The following SLCO5A1 variants were observed in gnomAD, a reference collection of about 807,000 sequenced individuals.
The protein encoded by SLCO5A1 is organic anion transporter polypeptide-related protein 4.
In SLCO5A1, 39 loss-of-function variants were observed where a neutral mutation model predicts 65.1. The observed-to-expected ratio is 0.60, with a 90% CI of 0.46 to 0.78. The LOEUF (loss-of-function observed/expected upper bound fraction) is 0.78. Ranked by LOEUF, SLCO5A1 falls within the 30% of genes least tolerant of loss-of-function variation. SLCO5A1 has a pLI of 0.00. For missense variants in SLCO5A1, 1,029 were observed against 1,069.4 expected (o/e 0.96, Z 0.53); for synonymous variants, 438 against 415.7 (o/e 1.05, Z -0.65).
At chr8:69,766,067 T>C (rs1818048016) in intron 2 of SLCO5A1, among the ~76,000 whole-genome samples, 1 of 152,234 alleles carries the variant, frequency 6.6e-6, no homozygotes, top group Non-Finnish European at 1.5e-5. Context: ...TGACTTCGAA[T>C]GCATCAGTAA....
chr8:69,772,027 G>T (rs987368522), intron 2 of SLCO5A1, among the ~76,000 whole-genome samples: 4 of 152,122 alleles, frequency 2.6e-5, no homozygotes, highest in Non-Finnish European at 5.9e-5. Context: ...TTCTCTGGGA[G>T]CTACTTCACC....
chr8:69,713,617 G>A (rs1374846945), intron 5 of SLCO5A1: 2 of 152,112 alleles, frequency 1.3e-5, no homozygotes, highest in Non-Finnish European at 2.9e-5. Flanking sequence ...TTTATGCTCT[G>A]AACCCAAAGT....
Position 69,768,689 on chromosome 8 carries a change from G to C in SLCO5A1, c.908-6814C>G, listed in dbSNP as rs1361877223. Among the ~76,000 whole-genome samples the C allele has an allele frequency of 2.6e-5, 4 of 152,134 alleles. No homozygotes were observed. The East Asian group carries it at 7.7e-4, about 29-fold the overall frequency. ...CCGGTGTCTCTTCCTCTTCTTATAA[G>C]GACCTCATAGATTAGGGACCAGGCA... On this transcript the variant is annotated intron_variant, in intron 2 of 9. Transcript: ENST00000260126.
intron 5 of SLCO5A1, among the ~76,000 whole-genome samples, chr8:69,735,838 G>GA (rs1168619599): frequency 2.6e-5 from 4 of 152,000 alleles, no homozygotes; most frequent in Non-Finnish European, 4.4e-5. Context: ...TTTTAAAAAA[G>GA]AAAAGAAAAA....
Position 69,667,510 on chromosome 8 carries a change from G to A in SLCO5A1, c.*5359C>T, listed in dbSNP as rs1039855793. 7 of 152,136 alleles carry A rather than the reference G, an allele frequency of 4.6e-5. 1 individual carries two copies. Among genetic ancestry groups the A allele is most frequent in the Non-Finnish European group, 8.8e-5 (6 of 67,988 alleles). 9.4% of individuals were successfully genotyped at this position (152,136 alleles called of 1,614,324 possible). On this transcript the variant is annotated 3_prime_UTR_variant, in exon 10 of 10. Coordinates refer to ENST00000260126, the MANE Select transcript of SLCO5A1 (RefSeq NM_030958.3). ...TATCAATTACCAATTGCCAATAATC[G>A]GTACTAGTCTTACCAATGATTCTTA...
intron 5 of SLCO5A1, among the ~76,000 whole-genome samples, chr8:69,722,166 C>T (rs573648789): frequency 3.3e-5 from 5 of 151,884 alleles, no homozygotes; most frequent in African/African-American, 4.8e-5. Context: ...GCAAAGACTC[C>T]GTCTCAAAAA....
intron 5 of SLCO5A1, among the ~76,000 whole-genome samples, chr8:69,708,251 T>C (rs1760990143): frequency 6.6e-6 from 1 of 152,218 alleles, no homozygotes; most frequent in African/African-American, 2.4e-5. Context: ...TTTGTAGCCA[T>C]GTAATCATGC....
chr8:69,744,442 A>T lies in SLCO5A1; in HGVS notation c.1259-6238T>A, dbSNP rs563528626. On this transcript the variant is annotated intron_variant, in intron 4 of 9. Coordinates refer to ENST00000260126, the MANE Select transcript of SLCO5A1 (RefSeq NM_030958.3). ...TCAAACTCATCCATCAACTTTCAGG[A>T]TTGGCATCTGCCCCTGTAGGAAGCA... is the stretch of plus-strand genomic sequence containing the variant. 5.3e-5 allele frequency among the ~76,000 whole-genome samples: 8 copies of T among 152,272 alleles called. No individual in the cohort carries two copies. In the South Asian group the frequency reaches 1.7e-3, roughly 32 times the overall value.
At chr8:69,780,273 AC>A (rs1818736489) in intron 2 of SLCO5A1, among the ~76,000 whole-genome samples, 1 of 152,158 alleles carries the variant, frequency 6.6e-6, no homozygotes, top group Non-Finnish European at 1.5e-5. Flanking sequence ...AATAAAACTA[AC>A]ATTTGACCTA....
chr8:69,804,833 G>C (rs1776233861), intron 2 of SLCO5A1, among the ~76,000 whole-genome samples: 1 of 152,126 alleles, frequency 6.6e-6, no homozygotes, highest in African/African-American at 2.4e-5. Flanking sequence ...AGGGAGAGTT[G>C]AACACACATG....
chr8:69,669,919 C>G lies in SLCO5A1; in HGVS notation c.*2950G>C, dbSNP rs904818141. 1 of 152,118 alleles carries G rather than the reference C, an allele frequency of 6.6e-6. No individual in the cohort carries two copies. Among genetic ancestry groups the G allele is most frequent in the Non-Finnish European group, 1.5e-5 (1 of 68,012 alleles). The allele number at this position is 152,118 out of a possible 1,614,324, so 9.4% of individuals were successfully genotyped here. A position where few individuals can be genotyped will look rare whatever the true frequency, so the allele number is the denominator to read the frequency against. ...CAAAATGCTCTACAAATCGTCAACACTCAACAAATGCTAATTTTTTTCCTC... is the reference window on the plus strand; with the variant it reads ...CAAAATGCTCTACAAATCGTCAACAGTCAACAAATGCTAATTTTTTTCCTC... On this transcript the variant is annotated 3_prime_UTR_variant, in exon 10 of 10. Coordinates refer to ENST00000260126, the MANE Select transcript of SLCO5A1 (RefSeq NM_030958.3).
In SLCO5A1 at chr8:69,833,121, G is replaced by C; in HGVS notation, c.-448C>G. 1 of 163,092 alleles carries C rather than the reference G, an allele frequency of 6.1e-6. No homozygotes were observed. Among genetic ancestry groups the C allele is most frequent in the Non-Finnish European group, 1.3e-5 (1 of 75,416 alleles). 10.1% of individuals were successfully genotyped at this position (163,092 alleles called of 1,614,324 possible). ...CCACCTCGCTGCGCCAGGGGTACCG[G>C]GTGTTCGCCGCCTGGGCTCGCGGCA... On this transcript the variant is annotated 5_prime_UTR_variant, in exon 2 of 10. Coordinates refer to ENST00000260126, the MANE Select transcript of SLCO5A1 (RefSeq NM_030958.3).
chr8:69,681,229 A>G (rs924336722), intron 7 of SLCO5A1, among the ~76,000 whole-genome samples: 3 of 152,254 alleles, frequency 2.0e-5, no homozygotes, highest in Non-Finnish European at 4.4e-5. Context: ...AAGCACATGC[A>G]TTTTAACCTT....
At chr8:69,812,254 T>C (rs1307141343) in intron 2 of SLCO5A1, among the ~76,000 whole-genome samples, 3 of 152,082 alleles carry the variant, frequency 2.0e-5, no homozygotes, top group Non-Finnish European at 2.9e-5. Context: ...GCAACTCCCC[T>C]CTCCCACTCT....
At chr8:69,708,798 G>A (rs769276422) in intron 5 of SLCO5A1, among the ~76,000 whole-genome samples, 10 of 152,076 alleles carry the variant, frequency 6.6e-5, no homozygotes, top group Non-Finnish European at 1.0e-4. Context: ...CAGTTACTCC[G>A]GAGACTGAGG....
intron 2 of SLCO5A1, among the ~76,000 whole-genome samples, chr8:69,800,115 A>G (rs1354869966): frequency 2.0e-5 from 3 of 151,978 alleles, no homozygotes; most frequent in Non-Finnish European, 2.9e-5. Context: ...CAGATTTTAC[A>G]TTATTCTGCT....
intron 2 of SLCO5A1, among the ~76,000 whole-genome samples, chr8:69,814,979 C>G (rs2130914378): frequency 6.6e-6 from 1 of 152,152 alleles, no homozygotes; most frequent in East Asian, 1.9e-4. Flanking sequence ...CTCATAGAAG[C>G]AGAGAGTAGA....
At chr8:69,751,767 G>A (rs533181009) in intron 4 of SLCO5A1, among the ~76,000 whole-genome samples, 12 of 152,098 alleles carry the variant, frequency 7.9e-5, no homozygotes, top group Non-Finnish European at 2.9e-5. Flanking sequence ...GGTTGGTCTC[G>A]AACTCCTGAC....
intron 6 of SLCO5A1, among the ~76,000 whole-genome samples, chr8:69,697,517 C>T (rs369437627): frequency 2.0e-5 from 3 of 151,908 alleles, no homozygotes; most frequent in East Asian, 3.9e-4. Context: ...ATGTTAAGTG[C>T]CATGAGGAAA....
Sources: gnomAD v4.1 joint callset for allele counts (sites outside exome capture counted in the v4.1 genomes callset) on GRCh38, gnomAD v4.1.1 for gene constraint, MANE v1.5 for transcripts, NCBI Gene and HGNC (gene_info 2026-07-23, HGNC 2026-07-21) for gene names.